ECPAS: variants seen among roughly 807,000 people sequenced by gnomAD.
ECPAS encodes Ecm29 proteasome adaptor and scaffold, also known as proteasome adapter and scaffold protein ECM29.
In ECPAS, 70 loss-of-function variants were observed where a neutral mutation model predicts 255.1. The observed-to-expected ratio is 0.27, with a 90% confidence interval of 0.23 to 0.33. The LOEUF (loss-of-function observed/expected upper bound fraction) is 0.33, where lower values mean the gene tolerates loss of function less well. Ranked by LOEUF, ECPAS falls within the 10% of genes least tolerant of loss-of-function variation. The pLI, the probability that ECPAS is intolerant of heterozygous loss-of-function variation, is 1.00. For missense variants in ECPAS, 1,817 were observed against 2,206.4 expected, an observed-to-expected ratio of 0.82 and a Z score of 3.54; for synonymous variants, 784 against 775.0, an observed-to-expected ratio of 1.01 and a Z score of -0.19.
At position 111,420,153 on chromosome 9, in the gene ECPAS, C is replaced by G. The variant is rs200947573; in HGVS notation, c.1456-33G>C. On this transcript the variant is annotated intron_variant, in intron 15 of 49. Coordinates refer to ENST00000684092, the MANE Select transcript of ECPAS (RefSeq NM_001364929.1). ...ATGTGTAAACATACACAGACCACCC[C>G]GATCCGAAAAAGGAAAAAAAAAATC... The G allele has an allele frequency of 8.3e-4, 1,211 of 1,453,636 alleles. 1 individual carries two copies. The highest frequency in any genetic ancestry group is 3.3e-3 in the Middle Eastern group (19 of 5,684). 90.0% of individuals were successfully genotyped at this position (1,453,636 alleles called of 1,614,324 possible).
intron 31 of ECPAS, among the ~76,000 whole-genome samples, chr9:111,387,080 A>G (rs2098150116): frequency 6.6e-6 from 1 of 152,230 alleles, no homozygotes. Context: ...TTATTGAGGG[A>G]CACAGTCTCA....
At chr9:111,466,616 T>TACACACACACACACAC (rs55763374) in intron 2 of ECPAS, among the ~76,000 whole-genome samples, 4 of 143,500 alleles carry the variant, frequency 2.8e-5, no homozygotes, top group East Asian at 2.1e-4. Flanking sequence ...AATAACTAAA[T>TACACACACACACACAC]ACACACACAC....
chr9:111,451,134 G>A (rs2098259784), intron 3 of ECPAS, among the ~76,000 whole-genome samples: 1 of 151,978 alleles, frequency 6.6e-6, no homozygotes, highest in Non-Finnish European at 1.5e-5. Flanking sequence ...TTTCATATTG[G>A]AATCAATGGC....
chr9:111,405,242 A>G (rs901018654), intron 24 of ECPAS, among the ~76,000 whole-genome samples: 4 of 149,858 alleles, frequency 2.7e-5, no homozygotes, highest in Non-Finnish European at 5.9e-5. Context: ...CAGAATAGAG[A>G]ACCCAAAGAT....
chr9:111,455,252 A>C (rs2098265392), intron 2 of ECPAS, among the ~76,000 whole-genome samples: 1 of 152,188 alleles, frequency 6.6e-6, no homozygotes, highest in African/African-American at 2.4e-5. Context: ...TGGGAGGCCA[A>C]GGAGGGCAGA....
intron 8 of ECPAS, among the ~76,000 whole-genome samples, chr9:111,432,143 A>C (rs1385998563): frequency 6.6e-6 from 1 of 152,356 alleles, no homozygotes; most frequent in Non-Finnish European, 1.5e-5. Context: ...AAAATGATAT[A>C]ATGAACAAAT....
rs1181354235 is a variant in ECPAS, at chr9:111,361,872, A to C, written c.*158T>G. On this transcript the variant is annotated 3_prime_UTR_variant, in exon 50 of 50. Transcript: ENST00000684092. ...TAAAAACATAAAGTAAAATAAAGCT[A>C]ATAAGGAACAAAATTTAAGGCTTTT... 3.5e-6 allele frequency: 3 copies of C among 846,012 alleles called. No homozygotes were observed. The African/African-American group carries it at 5.2e-5, about 15-fold the overall frequency. 52.4% of individuals were successfully genotyped at this position (846,012 alleles called of 1,614,324 possible).
Position 111,378,744 on chromosome 9 carries a change from G to T in ECPAS, c.3804-14C>A. ...AGGGTGTTAATGCTACAAACATATG[G>T]AACACAACTCCTGAGTCCTTTTAAC... On this transcript the variant is annotated splice_polypyrimidine_tract_variant and intron_variant, in intron 35 of 49. Transcript: ENST00000684092. 1.3e-6 allele frequency: 2 copies of T among 1,597,610 alleles called. No individual in the cohort carries two copies. The highest frequency in any genetic ancestry group is 2.2e-5 in the South Asian group (2 of 89,122).
chr9:111,475,482 C>A (rs2098295020), intron 1 of ECPAS, among the ~76,000 whole-genome samples: 1 of 152,188 alleles, frequency 6.6e-6, no homozygotes, highest in East Asian at 1.9e-4. Flanking sequence ...AGCCAATAAT[C>A]CCAGCACTTT....
chr9:111,361,916 G>T lies in ECPAS; in HGVS notation c.*114C>A. On this transcript the variant is annotated 3_prime_UTR_variant, in exon 50 of 50. Transcript: ENST00000684092. ...GGCTTTTTCTTTTTATTTCAGCCAAGGAATGATGCATGCTACAGATTAATC... is the reference window on the plus strand; with the variant it reads ...GGCTTTTTCTTTTTATTTCAGCCAATGAATGATGCATGCTACAGATTAATC... 2 of 1,190,296 alleles carry T rather than the reference G, an allele frequency of 1.7e-6. No individual in the cohort carries two copies. The highest frequency in any genetic ancestry group is 1.1e-6 in the Non-Finnish European group (1 of 874,198). The allele number at this position is 1,190,296 out of a possible 1,614,324, so 73.7% of individuals were successfully genotyped here. A position where few individuals can be genotyped will look rare whatever the true frequency, so the allele number is the denominator to read the frequency against.
intron 4 of ECPAS, among the ~76,000 whole-genome samples, chr9:111,443,407 C>A (rs1187153367): frequency 6.6e-6 from 1 of 152,056 alleles, no homozygotes; most frequent in Non-Finnish European, 1.5e-5. Flanking sequence ...CGCGCCACCA[C>A]GCCCAGCTAA....
At chr9:111,375,042 T>C (rs1295813013) in intron 38 of ECPAS, 71 bp downstream of exon 38, 3 of 1,099,058 alleles carry the variant, frequency 2.7e-6, no homozygotes, top group Non-Finnish European at 2.8e-6. Flanking sequence ...ATTTCAAACA[T>C]GATGGCTGTT....
rs577215740 is a variant in ECPAS at position 111,394,118 on chromosome 9, C to T, written c.2922+42G>A. 2.6e-6 allele frequency: 4 copies of T among 1,539,370 alleles called. No individual in the cohort carries two copies. In the East Asian group the frequency reaches 9.2e-5, roughly 35 times the overall value. ...TATGCTTTCCTTGCTACTTATAATA[C>T]TGTGGTTTCCAACAGGGCTGACCAC... On this transcript the variant is annotated intron_variant, in intron 26 of 49. Coordinates refer to ENST00000684092, the MANE Select transcript of ECPAS (RefSeq NM_001364929.1).
intron 4 of ECPAS, among the ~76,000 whole-genome samples, chr9:111,442,679 T>TC (rs1333898183): frequency 6.6e-6 from 1 of 152,208 alleles, no homozygotes; most frequent in Non-Finnish European, 1.5e-5. Context: ...AGCATTCATA[T>TC]ATGCAATTTC....
At chr9:111,376,827 T>G (rs1056466875) in intron 36 of ECPAS, among the ~76,000 whole-genome samples, 37 of 152,168 alleles carry the variant, frequency 2.4e-4, no homozygotes, top group African/African-American at 8.7e-4. Context: ...GAGCCTGAGG[T>G]TCTCCATCCA....
At chr9:111,455,849 G>A (rs868542699) in intron 2 of ECPAS, among the ~76,000 whole-genome samples, 6 of 152,166 alleles carry the variant, frequency 3.9e-5, no homozygotes, top group African/African-American at 1.4e-4. Context: ...CTTGCACCTG[G>A]TTTCCTCCAG....
rs887106193 is a variant in ECPAS, at chr9:111,367,544, G to A, written c.5114-917C>T. Among the ~76,000 whole-genome samples the A allele has an allele frequency of 2.6e-5, 4 of 152,054 alleles. No homozygotes were observed. The South Asian group carries it at 8.3e-4, about 32-fold the overall frequency. ...TCAAGGAAAAGTTAATACTCTTTAT[G>A]GCATCATATTAGTGGACTTCCATGG... is the stretch of plus-strand genomic sequence containing the variant. On this transcript the variant is annotated intron_variant, in intron 46 of 49. Coordinates refer to ENST00000684092, the MANE Select transcript of ECPAS (RefSeq NM_001364929.1).
At chr9:111,439,778 A>C (rs528830136) in intron 6 of ECPAS, among the ~76,000 whole-genome samples, 1 of 152,244 alleles carries the variant, frequency 6.6e-6, no homozygotes, top group Non-Finnish European at 1.5e-5. Context: ...GCAAATCGGG[A>C]AAAGCATAGA....
chr9:111,369,606 T>C (rs2098124919), intron 45 of ECPAS, among the ~76,000 whole-genome samples: 1 of 152,232 alleles, frequency 6.6e-6, no homozygotes, highest in Non-Finnish European at 1.5e-5. Context: ...GCTATCACTA[T>C]GTTTGTAATG....
Sources: allele counts gnomAD v4.1 joint callset (sites outside exome capture counted in the v4.1 genomes callset), GRCh38; gene constraint gnomAD v4.1.1; transcripts MANE v1.5; gene names NCBI Gene and HGNC (gene_info 2026-07-23, HGNC 2026-07-21).